SUGCT: variants seen among roughly 807,000 people sequenced by gnomAD.
SUGCT encodes succinyl-CoA:glutarate CoA-transferase.
In SUGCT, 41 loss-of-function variants were observed where a neutral mutation model predicts 55.0. The observed-to-expected ratio is 0.74, with a 90% confidence interval of 0.58 to 0.97. SUGCT has a LOEUF of 0.97. SUGCT is among the 50% of genes least tolerant of loss of function. The pLI is 0.00. For synonymous variants in SUGCT, 187 were observed against 200.4 expected, an observed-to-expected ratio of 0.93 and a Z score of 0.56; for missense variants, 568 against 547.8, an observed-to-expected ratio of 1.04 and a Z score of -0.37.
chr7:40,570,850 CTTTT>C lies in SUGCT; in HGVS notation c.1089+74488_1089+74491del, dbSNP rs776733346. Among the ~76,000 whole-genome samples, 106 of 52,286 alleles carry C rather than the reference CTTTT, an allele frequency of 2.0e-3. 1 individual carries two copies. The highest frequency in any genetic ancestry group is 8.9e-3 in the African/African-American group (103 of 11,512). The allele number at this position is 52,286 out of a possible 152,430, so 34.3% of individuals were successfully genotyped here. ...CCCCTCTGGGCAAAAGCTTTAGGCT[CTTTT>C]TTTTTTTTTTTTTTTTTTTTTTTCA... On this transcript the variant is annotated intron_variant, in intron 12 of 13. Transcript: ENST00000335693.
chr7:40,705,505 C>T (rs1446542297), intron 12 of SUGCT, among the ~76,000 whole-genome samples: 1 of 140,198 alleles, frequency 7.1e-6, no homozygotes, highest in African/African-American at 2.8e-5. Flanking sequence ...TTTCTCAGCA[C>T]CATTTGTTTT....
intron 9 of SUGCT, among the ~76,000 whole-genome samples, chr7:40,433,861 A>G (rs1379138205): frequency 6.6e-6 from 1 of 152,220 alleles, no homozygotes; most frequent in Admixed American, 6.5e-5. Context: ...TAGAACAGGA[A>G]TCCCAGAGAA....
chr7:40,336,764 TC>T (rs1443187317), intron 9 of SUGCT, among the ~76,000 whole-genome samples: 1 of 152,210 alleles, frequency 6.6e-6, no homozygotes, highest in African/African-American at 2.4e-5. Flanking sequence ...TCTGCTCTGA[TC>T]TTAGTTATTT....
chr7:40,278,595 C>G (rs1020822474), intron 8 of SUGCT, among the ~76,000 whole-genome samples: 1 of 152,140 alleles, frequency 6.6e-6, no homozygotes, highest in African/African-American at 2.4e-5. Flanking sequence ...ATCCTGAGCT[C>G]TGTTTTTCTC....
the SUGCT span, among the ~76,000 whole-genome samples, chr7:40,910,453 G>A: frequency 0.32 from 48,849 of 151,914 alleles, 8,786 homozygotes; most frequent in Admixed American, 0.44. Context: ...GTAAAAATAT[G>A]GAACATTTTT....
chr7:40,820,326 A>T (rs1287610425), intron 13 of SUGCT, among the ~76,000 whole-genome samples: 2 of 151,948 alleles, frequency 1.3e-5, no homozygotes, highest in African/African-American at 4.8e-5. Flanking sequence ...CTTGATGGGG[A>T]TGGCACTGAA....
In SUGCT at chr7:40,277,275, T is replaced by C. The variant is rs189278865; in HGVS notation, c.720+2619T>C. On this transcript the variant is annotated intron_variant, in intron 8 of 13. Transcript: ENST00000335693. ...TCAGCTCACTGCAACTTCTGACTCC[T>C]AGGTTGAGCAATTCTTGTGCCTCAG... Among the ~76,000 whole-genome samples, 68 of 152,252 alleles carry C rather than the reference T, an allele frequency of 4.5e-4. 1 individual carries two copies. In the South Asian group the frequency reaches 0.012, roughly 28 times the overall value.
intron 7 of SUGCT, among the ~76,000 whole-genome samples, chr7:40,262,664 C>CA (rs1562624455): frequency 1.3e-5 from 2 of 151,026 alleles, no homozygotes; most frequent in Admixed American, 1.3e-4. Context: ...GACTCTCTCT[C>CA]AAAAAAAAGA....
intron 6 of SUGCT, among the ~76,000 whole-genome samples, 162 bp downstream of exon 6, chr7:40,195,222 C>CTTTTT (rs11326653): frequency 8.9e-5 from 9 of 101,264 alleles, no homozygotes; most frequent in African/African-American, 1.2e-4. Context: ...TTTCTTTTTT[C>CTTTTT]TTTTTTTTTT....
In SUGCT at chr7:40,624,152, T is replaced by A. The variant is rs79080178; in HGVS notation, c.1090-125282T>A. Reference sequence around the variant, plus strand: ...AGGAGAACGTTGCTTCCCTGGCACTTCCCTCCATCTCCTCCCAGTCCACAT... The same window carrying A: ...AGGAGAACGTTGCTTCCCTGGCACTACCCTCCATCTCCTCCCAGTCCACAT... On this transcript the variant is annotated intron_variant, in intron 12 of 13. Coordinates refer to ENST00000335693, the MANE Select transcript of SUGCT (RefSeq NM_001193313.2). 2.8e-3 allele frequency among the ~76,000 whole-genome samples: 433 copies of A among 152,246 alleles called. 1 individual carries two copies. The highest frequency in any genetic ancestry group is 0.01 in the Middle Eastern group (3 of 294).
At chr7:40,378,366 A>C (rs963294966) in intron 9 of SUGCT, among the ~76,000 whole-genome samples, 2 of 152,172 alleles carry the variant, frequency 1.3e-5, no homozygotes, top group African/African-American at 4.8e-5. Context: ...CTTCAAAGTT[A>C]CTGATTCTTC....
At chr7:40,743,934 A>T (rs4723975) in intron 12 of SUGCT, among the ~76,000 whole-genome samples, 3,642 of 151,894 alleles carry the variant, frequency 0.024, 175 homozygotes, top group East Asian at 0.092. Context: ...TTGAATATAT[A>T]TTTTTGAAAC....
At chr7:41,012,262 T>C in the SUGCT span, among the ~76,000 whole-genome samples, 1 of 152,188 alleles carries the variant, frequency 6.6e-6, no homozygotes. Context: ...CACGCTCGCC[T>C]GTGCTTCTTT....
the SUGCT span, among the ~76,000 whole-genome samples, chr7:41,025,191 G>A: frequency 2.0e-5 from 3 of 152,074 alleles, no homozygotes; most frequent in African/African-American, 4.8e-5. Context: ...AAAAGGAAGG[G>A]ATTATATGGG....
At chr7:41,009,083 A>G in the SUGCT span, among the ~76,000 whole-genome samples, 1 of 151,906 alleles carries the variant, frequency 6.6e-6, no homozygotes, top group Non-Finnish European at 1.5e-5. Context: ...GGTATGGTGG[A>G]TCATGCCTTA....
intron 1 of SUGCT, among the ~76,000 whole-genome samples, chr7:40,137,573 C>G (rs574762912): frequency 5.3e-5 from 8 of 152,176 alleles, no homozygotes; most frequent in African/African-American, 1.7e-4. Flanking sequence ...AAAAGCCATG[C>G]TCTTTTTAAG....
chr7:40,203,151 C>T (rs1170072958), intron 6 of SUGCT, among the ~76,000 whole-genome samples: 1 of 152,138 alleles, frequency 6.6e-6, no homozygotes, highest in Non-Finnish European at 1.5e-5. Flanking sequence ...GAATGAGATG[C>T]CTAGCATACA....
At chr7:41,024,577 A>G in the SUGCT span, among the ~76,000 whole-genome samples, 1 of 151,976 alleles carries the variant, frequency 6.6e-6, no homozygotes, top group Non-Finnish European at 1.5e-5. Context: ...CAATAAACAT[A>G]TGAAAAGACA....
At chr7:40,587,283 A>G (rs1286256300) in intron 12 of SUGCT, among the ~76,000 whole-genome samples, 1 of 152,240 alleles carries the variant, frequency 6.6e-6, no homozygotes, top group Non-Finnish European at 1.5e-5. Context: ...GGTGAATTTT[A>G]CTGTATATAA....
Sources: allele counts gnomAD v4.1 joint callset (sites outside exome capture counted in the v4.1 genomes callset), GRCh38; gene constraint gnomAD v4.1.1; transcripts MANE v1.5; gene names NCBI Gene and HGNC (gene_info 2026-07-23, HGNC 2026-07-21).